The following CHD6 variants were observed in gnomAD, a reference collection of about 807,000 sequenced individuals.
CHD6 encodes the protein ATP-dependent chromatin remodeler CHD6.
CHD6 carries 50 observed loss-of-function variants against 276.9 expected under a neutral mutation model. The observed-to-expected ratio is 0.18, with a 90% CI of 0.14 to 0.23. The LOEUF is 0.23. CHD6 is among the 10% of genes least tolerant of loss of function. The probability of loss-of-function intolerance (pLI) is 1.00; values close to 1 mark genes in which losing one functional copy is unlikely to be tolerated. For synonymous variants in CHD6, 1,173 were observed against 1,229.3 expected (o/e 0.95, Z 0.96); for missense variants, 2,564 against 3,365.8 (o/e 0.76, Z 5.89).
chr20:41,412,822 G>C (rs561920900), intron 35 of CHD6, among the ~76,000 whole-genome samples: 6 of 152,180 alleles, frequency 3.9e-5, no homozygotes, highest in African/African-American at 1.4e-4. Context: ...AAGACAGTAC[G>C]ATGACTTGAA....
intron 33 of CHD6, among the ~76,000 whole-genome samples, chr20:41,416,143 C>T (rs533964395): frequency 6.6e-6 from 1 of 152,300 alleles, no homozygotes; most frequent in East Asian, 1.9e-4. Flanking sequence ...CTTGATTTCC[C>T]TAATTTCTAT....
At chr20:41,519,515 T>A in intron 3 of CHD6, among the ~76,000 whole-genome samples, 1 of 152,272 alleles carries the variant, frequency 6.6e-6, no homozygotes, top group East Asian at 1.9e-4. Flanking sequence ...TTAGGATATA[T>A]ACAATGTAAT....
At chr20:41,529,799 G>GCAACAGGAGCAATCAGGGGA (rs1275507836) in intron 3 of CHD6, among the ~76,000 whole-genome samples, 74 of 152,162 alleles carry the variant, frequency 4.9e-4, no homozygotes, top group African/African-American at 1.7e-3. Context: ...TGTCCTGGAG[G>GCAACAGGAGCAATCAGGGGA]CAACAGGAGC....
intron 1 of CHD6, among the ~76,000 whole-genome samples, chr20:41,591,896 A>G (rs1209515595): frequency 6.6e-6 from 1 of 152,144 alleles, no homozygotes; most frequent in Non-Finnish European, 1.5e-5. Context: ...TCAGGAGATC[A>G]AGACCATCCT....
chr20:41,445,823 T>C (rs2048049445), intron 24 of CHD6, 55 bp from the exon 25 acceptor site: 2 of 1,107,274 alleles, frequency 1.8e-6, no homozygotes, highest in Non-Finnish European at 2.8e-6. Flanking sequence ...GGTCCAACCC[T>C]GGTATTAGGC....
chr20:41,415,617 A>G lies in CHD6; in HGVS notation c.6508T>C (p.Phe2170Leu), dbSNP rs746596428. 1.9e-6 allele frequency: 3 copies of G among 1,599,672 alleles called. No individual in the cohort carries two copies. The highest frequency in any genetic ancestry group is 2.6e-6 in the Non-Finnish European group (3 of 1,174,270). Residue 2170 changes from phenylalanine (F) to leucine (L), a missense_variant, in exon 34 of 37, where the codon TTC becomes CTC. Transcript: ENST00000373233. Reference protein sequence around the residue: ...IHKESFLAPVFTKDEQKHRRP... With the variant: ...IHKESFLAPVLTKDEQKHRRP... ...CTGTGCTTTTGTTCATCCTTTGTGAATACTGGAGCTAAGAAGCTCTCCTGT... is the reference window on the plus strand; with the variant it reads ...CTGTGCTTTTGTTCATCCTTTGTGAGTACTGGAGCTAAGAAGCTCTCCTGT...
intron 16 of CHD6, among the ~76,000 whole-genome samples, chr20:41,478,776 C>T (rs2043225190): frequency 6.6e-6 from 1 of 152,190 alleles, no homozygotes; most frequent in Admixed American, 6.5e-5. Context: ...CCAAATAAAA[C>T]CCATCAACAT....
intron 16 of CHD6, 53 bp downstream of exon 16, chr20:41,483,256 A>T: frequency 6.9e-7 from 1 of 1,448,542 alleles, no homozygotes; most frequent in Non-Finnish European, 9.2e-7. Flanking sequence ...AAAAAATATC[A>T]AAGGAAAGGA....
rs780312807 is a variant in CHD6, at chr20:41,421,089, T to C, written c.5546A>G (p.Glu1849Gly). ...CAATTTACTTTCTAAGCTTTTGTTT[T>C]CCAATAAATCAATTAATTGCTGATC... ...SSDQQLIDLL[E>G]NKSLESKLIL... Residue 1849 changes from glutamate (E) to glycine (G), a missense_variant, in exon 31 of 37, where the codon GAA (glutamate) becomes GGA (glycine). Glu to Gly is a moderately conservative substitution (Grantham distance 98). This residue lies in a region of CHD6 where 1,024 missense variants were observed against 1,047.9 expected (regional missense o/e 0.98). Transcript: ENST00000373233. 15 of 1,614,052 alleles carry C rather than the reference T, an allele frequency of 9.3e-6. No homozygotes were observed. The highest frequency in any genetic ancestry group is 1.3e-5 in the Non-Finnish European group (15 of 1,180,042).
chr20:41,493,281 C>G (rs2043600039), intron 10 of CHD6, among the ~76,000 whole-genome samples: 1 of 152,070 alleles, frequency 6.6e-6, no homozygotes. Flanking sequence ...AACAGCCGCA[C>G]ACCAAGAAAT....
chr20:41,490,560 C>G (rs1001132016), intron 11 of CHD6, among the ~76,000 whole-genome samples: 3 of 152,150 alleles, frequency 2.0e-5, no homozygotes, highest in Non-Finnish European at 4.4e-5. Context: ...CACCTGTAAT[C>G]CCAACATTTT....
At chr20:41,588,653 C>T (rs1260819025) in intron 1 of CHD6, among the ~76,000 whole-genome samples, 1 of 152,138 alleles carries the variant, frequency 6.6e-6, no homozygotes, top group African/African-American at 2.4e-5. Context: ...CTACTCCACA[C>T]CACTTCTCTA....
chr20:41,606,982 C>T (rs2045836584), intron 1 of CHD6, among the ~76,000 whole-genome samples: 1 of 152,152 alleles, frequency 6.6e-6, no homozygotes, highest in Non-Finnish European at 1.5e-5. Flanking sequence ...ATTAAAACCT[C>T]TGATGACTCC....
intron 1 of CHD6, among the ~76,000 whole-genome samples, chr20:41,565,839 A>G (rs557282058): frequency 1.3e-5 from 2 of 152,350 alleles, no homozygotes; most frequent in Admixed American, 6.5e-5. Flanking sequence ...GCAGCAGTAA[A>G]GATGAAATGA....
intron 1 of CHD6, among the ~76,000 whole-genome samples, chr20:41,577,292 T>C (rs1482800104): frequency 1.3e-5 from 2 of 152,190 alleles, no homozygotes; most frequent in Admixed American, 6.5e-5. Flanking sequence ...GCTCCAAAAA[T>C]AGCCTGAAAA....
At chr20:41,571,839 G>A (rs2045421040) in intron 1 of CHD6, among the ~76,000 whole-genome samples, 1 of 152,052 alleles carries the variant, frequency 6.6e-6, no homozygotes, top group South Asian at 2.1e-4. Context: ...ATAATAGAAA[G>A]CACAGCTCTT....
chr20:41,600,327 C>T (rs746720450), intron 1 of CHD6, among the ~76,000 whole-genome samples: 1 of 152,142 alleles, frequency 6.6e-6, no homozygotes, highest in Non-Finnish European at 1.5e-5. Flanking sequence ...ACTAAAGAAG[C>T]CAGATACGAA....
chr20:41,528,630 C>A (rs545117975), intron 3 of CHD6, among the ~76,000 whole-genome samples: 6 of 152,018 alleles, frequency 3.9e-5, no homozygotes, highest in African/African-American at 1.4e-4. Flanking sequence ...ATCTGTAATC[C>A]CAGCTATTGG....
At chr20:41,513,981 C>A (rs575422049) in intron 4 of CHD6, among the ~76,000 whole-genome samples, 3 of 152,328 alleles carry the variant, frequency 2.0e-5, no homozygotes, top group South Asian at 2.1e-4. Context: ...ATCAACTCAA[C>A]GTGCTTGGCT....
Sources: gnomAD v4.1 joint callset for allele counts (sites outside exome capture counted in the v4.1 genomes callset) on GRCh38, gnomAD v4.1.1 for gene constraint, gnomAD v4.1.1 regional missense constraint, MANE v1.5 for transcripts, NCBI Gene and HGNC (gene_info 2026-07-23, HGNC 2026-07-21) for gene names.